The following GRIP1 variants were observed in gnomAD, a reference collection of about 807,000 sequenced individuals.
GRIP1 encodes the protein glutamate receptor-interacting protein 1.
In GRIP1, 45 loss-of-function variants were observed where a neutral mutation model predicts 129.9. That is an observed-to-expected ratio of 0.35 (90% CI 0.27 to 0.44). GRIP1 has a LOEUF of 0.44. GRIP1 is among the 20% of genes least tolerant of loss of function. The pLI, the probability that GRIP1 is intolerant of heterozygous loss-of-function variation, is 1.00. For missense variants in GRIP1, 1,196 were observed against 1,396.8 expected (o/e 0.86, Z 2.29); for synonymous variants, 530 against 520.8 (o/e 1.02, Z -0.24).
At chr12:66,580,291 T>C (rs1392292918) in intron 2 of GRIP1, among the ~76,000 whole-genome samples, 5 of 149,804 alleles carry the variant, frequency 3.3e-5, no homozygotes, top group African/African-American at 7.5e-5. Context: ...TGGTACCAGC[T>C]GCTGCAAAAT....
chr12:66,548,276 T>C (rs1284737755), intron 2 of GRIP1, among the ~76,000 whole-genome samples: 2 of 152,158 alleles, frequency 1.3e-5, no homozygotes, highest in African/African-American at 4.8e-5. Context: ...GGCCTGGAGG[T>C]GCTGTAAAAA....
At chr12:66,585,088 ACTT>A (rs1461704908) in intron 2 of GRIP1, among the ~76,000 whole-genome samples, 1 of 148,068 alleles carries the variant, frequency 6.8e-6, no homozygotes, top group Non-Finnish European at 1.5e-5. Flanking sequence ...ATTCAGATAT[ACTT>A]CTTTTTTTTC....
chr12:66,662,417 A>G (rs1392352148), intron 1 of GRIP1, among the ~76,000 whole-genome samples: 3 of 152,168 alleles, frequency 2.0e-5, no homozygotes, highest in African/African-American at 7.2e-5. Flanking sequence ...TTAACTTCAC[A>G]TCTTTTTATA....
chr12:66,739,665 G>C lies in GRIP1; in HGVS notation c.-420+64388C>G, dbSNP rs138677863. On this transcript the variant is annotated intron_variant, in intron 1 of 4. Coordinates refer to the GRIP1 transcript ENST00000538373. ...TAACACCTAGGTGATGGGTTGATGG[G>C]TGCAGCAAACCACCATGGCACACAT... is the stretch of plus-strand genomic sequence containing the variant. Among the ~76,000 whole-genome samples, 905 of 151,802 alleles carry C rather than the reference G, an allele frequency of 6.0e-3. 10 individuals carry two copies. The highest frequency in any genetic ancestry group is 0.021 in the African/African-American group (865 of 41,390).
In GRIP1 at chr12:66,466,894, T is replaced by C. The variant is rs543793308; in HGVS notation, c.725-1472A>G. Among the ~76,000 whole-genome samples, 26 of 152,278 alleles carry C rather than the reference T, an allele frequency of 1.7e-4. No homozygotes were observed. The South Asian group carries it at 2.7e-3, about 16-fold the overall frequency. ...AAGGCCCCACTCAGATATAGTGAAA[T>C]AGGAAATCTGTATTCCCATTGCTGA... On this transcript the variant is annotated intron_variant, in intron 7 of 24. Transcript: ENST00000359742.
chr12:66,935,002 C>T (rs760027097), intron 1 of GRIP1, among the ~76,000 whole-genome samples: 1 of 152,188 alleles, frequency 6.6e-6, no homozygotes, highest in Non-Finnish European at 1.5e-5. Flanking sequence ...TCTACAATGC[C>T]ATGTCTTCCA....
intron 1 of GRIP1, among the ~76,000 whole-genome samples, chr12:66,693,753 C>G (rs541959226): frequency 6.6e-6 from 1 of 152,076 alleles, no homozygotes; most frequent in African/African-American, 2.4e-5. Context: ...AAGAAAATTC[C>G]ATTAATCCTC....
At chr12:66,386,291 A>C (rs965997179) in intron 19 of GRIP1, among the ~76,000 whole-genome samples, 4 of 152,188 alleles carry the variant, frequency 2.6e-5, no homozygotes, top group Admixed American at 1.3e-4. Context: ...CCCAGCATTA[A>C]TTTAGAAAAG....
intron 1 of GRIP1, among the ~76,000 whole-genome samples, chr12:67,048,568 C>T (rs1368270070): frequency 6.6e-6 from 1 of 152,062 alleles, no homozygotes; most frequent in Non-Finnish European, 1.5e-5. Flanking sequence ...TTAAGCAATC[C>T]TTCCACCTCA....
chr12:66,682,515 A>G (rs1565964906), upstream of GRIP1, among the ~76,000 whole-genome samples: 1 of 152,160 alleles, frequency 6.6e-6, no homozygotes, highest in Non-Finnish European at 1.5e-5. Flanking sequence ...AGATTGGCTC[A>G]AAGATTCCAA....
chr12:66,367,854 C>T (rs1407658359), intron 23 of GRIP1, among the ~76,000 whole-genome samples: 1 of 152,226 alleles, frequency 6.6e-6, no homozygotes, highest in Non-Finnish European at 1.5e-5. Context: ...TCCATCCCCA[C>T]ACTGAGTTCC....
chr12:66,527,654 C>T (rs1351873829), intron 5 of GRIP1, among the ~76,000 whole-genome samples: 2 of 151,696 alleles, frequency 1.3e-5, no homozygotes, highest in African/African-American at 2.4e-5. Context: ...TGCACATGTA[C>T]CCTAAAACTT....
At chr12:66,802,393 A>G (rs2038883895) in intron 1 of GRIP1, among the ~76,000 whole-genome samples, 1 of 152,180 alleles carries the variant, frequency 6.6e-6, no homozygotes, top group South Asian at 2.1e-4. Flanking sequence ...CAAATGAGAT[A>G]AAACGTGATT....
chr12:66,535,662 A>C (rs2061583809), intron 4 of GRIP1, among the ~76,000 whole-genome samples: 1 of 152,170 alleles, frequency 6.6e-6, no homozygotes. Context: ...GCTGAAAACG[A>C]AAAAATGTTG....
chr12:66,688,865 G>A (rs931699523), intron 1 of GRIP1, among the ~76,000 whole-genome samples: 2 of 151,990 alleles, frequency 1.3e-5, no homozygotes, highest in African/African-American at 4.8e-5. Flanking sequence ...CTATAAAAAT[G>A]GGCGCCGTGA....
At chr12:66,736,955 A>G (rs1161377649) in intron 1 of GRIP1, among the ~76,000 whole-genome samples, 1 of 149,000 alleles carries the variant, frequency 6.7e-6, no homozygotes, top group African/African-American at 2.5e-5. Context: ...TAAAACCCTT[A>G]CATTCTAACA....
intron 4 of GRIP1, among the ~76,000 whole-genome samples, chr12:66,537,030 T>C (rs1178498238): frequency 6.6e-6 from 1 of 152,036 alleles, no homozygotes; most frequent in Non-Finnish European, 1.5e-5. Flanking sequence ...ATATGGACTT[T>C]GGAGTCTGGC....
chr12:66,812,539 T>C (rs2039124108), intron 1 of GRIP1, among the ~76,000 whole-genome samples: 1 of 152,252 alleles, frequency 6.6e-6, no homozygotes, highest in Non-Finnish European at 1.5e-5. Flanking sequence ...TCGATATTTA[T>C]TATGCGGTAG....
At chr12:67,025,503 C>T (rs925287796) in intron 1 of GRIP1, among the ~76,000 whole-genome samples, 1 of 152,148 alleles carries the variant, frequency 6.6e-6, no homozygotes, top group Admixed American at 6.5e-5. Flanking sequence ...TTTTGTCTTC[C>T]AGACAAGCTT....
Sources: gnomAD v4.1 joint callset for allele counts (sites outside exome capture counted in the v4.1 genomes callset) on GRCh38, gnomAD v4.1.1 for gene constraint, MANE v1.5 for transcripts, NCBI Gene and HGNC (gene_info 2026-07-23, HGNC 2026-07-21) for gene names.